Variants in ATP5MC2 observed in about 807,000 individuals in gnomAD.
The protein encoded by ATP5MC2 is ATP synthase F(0) complex subunit C2, mitochondrial.
Under a neutral mutation model 13.5 loss-of-function variants are expected in ATP5MC2, and 11 were observed. That is an observed-to-expected ratio of 0.81 (90% CI 0.51 to 1.35). ATP5MC2 has a LOEUF of 1.35. ATP5MC2 is among the 40% of genes most tolerant of loss of function. The pLI, the probability that ATP5MC2 is intolerant of heterozygous loss-of-function variation, is 0.00. For missense variants in ATP5MC2, 132 were observed against 175.0 expected (o/e 0.75, Z 1.39); for synonymous variants, 64 against 69.7 (o/e 0.92, Z 0.41).
Position 53,665,194 on chromosome 12 carries a change from T to C in ATP5MC2, c.*120A>G, listed in dbSNP as rs1163030429. On this transcript the variant is annotated 3_prime_UTR_variant, in exon 5 of 5. Coordinates refer to ENST00000394349, the MANE Select transcript of ATP5MC2 (RefSeq NM_005176.7). ...ATCTTATTAATACAGTATTTATTTG[T>C]CTTTTCTCTGTCAAACCCTGAGCCA... 1 of 681,718 alleles carries C rather than the reference T, an allele frequency of 1.5e-6. No homozygotes were observed. Among genetic ancestry groups the C allele is most frequent in the Non-Finnish European group, 2.5e-6 (1 of 396,642 alleles). 42.2% of individuals were successfully genotyped at this position (681,718 alleles called of 1,614,324 possible).
At position 53,676,059 on chromosome 12, in the gene ATP5MC2, C is replaced by T. The variant is rs745459246; in HGVS notation, c.-38G>A. 14 of 1,613,834 alleles carry T rather than the reference C, an allele frequency of 8.7e-6. No homozygotes were observed. The Admixed American group carries it at 1.0e-4, about 12-fold the overall frequency. ...CTAGGTCCCAAGGCCTTACCTGCTC[C>T]CACTGCAGAGAAGACAGAGAGGGGC... On this transcript the variant is annotated 5_prime_UTR_variant, in exon 1 of 5. Transcript: ENST00000394349.
chr12:53,675,416 G>A (rs76321460), intron 1 of ATP5MC2, among the ~76,000 whole-genome samples: 4 of 152,296 alleles, frequency 2.6e-5, no homozygotes, highest in Non-Finnish European at 5.9e-5. Context: ...CGGGATGCGA[G>A]AAAGGTACTG....
chr12:53,678,806 G>T (rs542706075), upstream of ATP5MC2, among the ~76,000 whole-genome samples: 2 of 152,324 alleles, frequency 1.3e-5, no homozygotes, highest in Admixed American at 6.5e-5. Flanking sequence ...AGGAAGGAAA[G>T]GGTGTGGAGA....
upstream of ATP5MC2, among the ~76,000 whole-genome samples, chr12:53,679,847 G>A (rs1945331645): frequency 6.6e-6 from 1 of 152,220 alleles, no homozygotes; most frequent in African/African-American, 2.4e-5. Context: ...AAAGAAAACA[G>A]TAGATGAAGG....
chr12:53,670,918 C>T (rs566701373), intron 2 of ATP5MC2, among the ~76,000 whole-genome samples: 1 of 152,060 alleles, frequency 6.6e-6, no homozygotes, highest in East Asian at 1.9e-4. Flanking sequence ...CCACCACGCC[C>T]AGCCCGAAGT....
chr12:53,666,667 A>AG (rs1565624381), intron 4 of ATP5MC2, among the ~76,000 whole-genome samples: 1 of 150,132 alleles, frequency 6.7e-6, no homozygotes, highest in Non-Finnish European at 1.5e-5. Context: ...GGCTGAGGCA[A>AG]GAGAATTGCT....
At chr12:53,671,194 T>G (rs1216932212) in intron 2 of ATP5MC2, among the ~76,000 whole-genome samples, 1 of 152,212 alleles carries the variant, frequency 6.6e-6, no homozygotes, top group Non-Finnish European at 1.5e-5. Flanking sequence ...GCTTTAGGCA[T>G]CAGATAAAGT....
chr12:53,667,956 C>CATACACATATATATATATATAT (rs1944971986), intron 4 of ATP5MC2, among the ~76,000 whole-genome samples: 1 of 67,368 alleles, frequency 1.5e-5, no homozygotes, highest in African/African-American at 4.7e-5. Flanking sequence ...CATACACACA[C>CATACACATATATATATATATAT]ATATATATAT....
chr12:53,679,083 C>G (rs1399900936), upstream of ATP5MC2, among the ~76,000 whole-genome samples: 1 of 152,136 alleles, frequency 6.6e-6, no homozygotes, highest in Non-Finnish European at 1.5e-5. Flanking sequence ...TTCCAAGTGT[C>G]CTTTTCTACA....
intron 4 of ATP5MC2, among the ~76,000 whole-genome samples, chr12:53,667,963 A>ATATATATATATG (rs1944974183): frequency 2.4e-5 from 1 of 41,928 alleles, no homozygotes; most frequent in Admixed American, 2.5e-4. Flanking sequence ...ACACATATAT[A>ATATATATATATG]TATATATATA....
intron 3 of ATP5MC2, among the ~76,000 whole-genome samples, chr12:53,669,660 C>T (rs540653295): frequency 1.3e-5 from 2 of 152,348 alleles, no homozygotes; most frequent in East Asian, 1.9e-4. Context: ...CAGCAGTGCA[C>T]AGGGGCATGT....
At chr12:53,667,958 T>C (rs12717999) in intron 4 of ATP5MC2, among the ~76,000 whole-genome samples, 1,275 of 13,858 alleles carry the variant, frequency 0.092, 51 homozygotes, top group East Asian at 0.53. Flanking sequence ...TACACACACA[T>C]ATATATATAT....
At chr12:53,667,997 A>ATATATATATATATATT (rs1944983859) in intron 4 of ATP5MC2, among the ~76,000 whole-genome samples, 1 of 126,840 alleles carries the variant, frequency 7.9e-6, no homozygotes, top group Non-Finnish European at 1.7e-5. Flanking sequence ...ATATATATAA[A>ATATATATATATATATT]TTTTTTTTTT....
chr12:53,676,247 G>A, upstream of ATP5MC2: 5 of 1,589,410 alleles, frequency 3.1e-6, no homozygotes, highest in Non-Finnish European at 4.3e-6. Flanking sequence ...TCCACCTGGC[G>A]TTCGAGAGGA....
At chr12:53,677,985 C>T (rs1945315410), upstream of ATP5MC2, among the ~76,000 whole-genome samples, 1 of 152,160 alleles carries the variant, frequency 6.6e-6, no homozygotes, top group Non-Finnish European at 1.5e-5. Context: ...GCAGCTGTTG[C>T]GACAATTTAG....
intron 2 of ATP5MC2, among the ~76,000 whole-genome samples, chr12:53,672,083 CAAA>C (rs916010110): frequency 3.8e-4 from 18 of 47,176 alleles, no homozygotes; most frequent in East Asian, 3.6e-3. Context: ...AACTCTGTCT[CAAA>C]AAAAAAAAAA....
At chr12:53,681,061 C>A (rs1430745536), upstream of ATP5MC2, among the ~76,000 whole-genome samples, 1 of 149,034 alleles carries the variant, frequency 6.7e-6, no homozygotes, top group Non-Finnish European at 1.5e-5. Context: ...TGTGCACCAC[C>A]ACACCTGGCT....
At chr12:53,673,136 T>C (rs1198586723) in intron 1 of ATP5MC2, 3 of 153,284 alleles carry the variant, frequency 2.0e-5, no homozygotes, top group African/African-American at 7.2e-5. Context: ...CTGACCAACA[T>C]GGTGAAACCC....
intron 4 of ATP5MC2, among the ~76,000 whole-genome samples, chr12:53,667,104 C>T (rs1196255530): frequency 1.3e-5 from 2 of 152,182 alleles, no homozygotes; most frequent in African/African-American, 2.4e-5. Context: ...TCGACACCAA[C>T]ATTTAACAGA....
Sources: allele counts gnomAD v4.1 joint callset (sites outside exome capture counted in the v4.1 genomes callset), GRCh38; gene constraint gnomAD v4.1.1; transcripts MANE v1.5; gene names NCBI Gene and HGNC (gene_info 2026-07-23, HGNC 2026-07-21).